Variants in CNTN5 observed in about 807,000 individuals in gnomAD.
CNTN5 encodes contactin-5.
In CNTN5, 77 loss-of-function variants were observed where a neutral mutation model predicts 129.1. The observed-to-expected ratio is 0.60, with a 90% CI of 0.50 to 0.72. The LOEUF is 0.72. CNTN5 is among the 30% of genes least tolerant of loss of function. The pLI is 0.00. For missense variants in CNTN5, 1,478 were observed against 1,328.8 expected, an observed-to-expected ratio of 1.11 and a Z score of -1.75; for synonymous variants, 509 against 465.6, an observed-to-expected ratio of 1.09 and a Z score of -1.20.
In CNTN5 at chr11:99,846,975, T is replaced by C. The variant is rs193153346; in HGVS notation, c.577+1713T>C. 2.3e-3 allele frequency among the ~76,000 whole-genome samples: 345 copies of C among 152,344 alleles called. 1 individual carries two copies. Among genetic ancestry groups the C allele is most frequent in the Middle Eastern group, 0.014 (4 of 294 alleles). On this transcript the variant is annotated intron_variant, in intron 6 of 24. Transcript: ENST00000524871. ...TCACAGAACCTAATACTTTACATTA[T>C]GCACAATTAATCAAGTAGCCTAATA...
chr11:100,140,964 C>T (rs542162938), intron 13 of CNTN5, among the ~76,000 whole-genome samples: 1 of 152,206 alleles, frequency 6.6e-6, no homozygotes, highest in Non-Finnish European at 1.5e-5. Flanking sequence ...TCCTTATGGG[C>T]ATGAGCGTTG....
At chr11:99,116,915 A>G (rs1210940310) in intron 1 of CNTN5, among the ~76,000 whole-genome samples, 1 of 152,192 alleles carries the variant, frequency 6.6e-6, no homozygotes, top group Non-Finnish European at 1.5e-5. Flanking sequence ...CAGTACTGGT[A>G]TTTGTTCTGG....
At chr11:99,405,395 G>T (rs1485236529) in intron 2 of CNTN5, among the ~76,000 whole-genome samples, 1 of 151,860 alleles carries the variant, frequency 6.6e-6, no homozygotes, top group African/African-American at 2.4e-5. Context: ...CATTGTTTTA[G>T]TTATTTATTC....
intron 3 of CNTN5, among the ~76,000 whole-genome samples, chr11:99,804,304 G>A (rs1356838509): frequency 2.6e-5 from 4 of 151,992 alleles, no homozygotes; most frequent in African/African-American, 9.7e-5. Flanking sequence ...GTGTTTCCTA[G>A]ATTACTACTT....
At chr11:99,968,943 A>C (rs550031178) in intron 8 of CNTN5, among the ~76,000 whole-genome samples, 1 of 151,950 alleles carries the variant, frequency 6.6e-6, no homozygotes, top group African/African-American at 2.4e-5. Flanking sequence ...TTATTTTTCT[A>C]TGTGTCTCTC....
intron 3 of CNTN5, among the ~76,000 whole-genome samples, chr11:99,655,994 G>A (rs1419624646): frequency 1.3e-5 from 2 of 151,888 alleles, no homozygotes; most frequent in East Asian, 1.9e-4. Flanking sequence ...GTATATATAT[G>A]TGTTTCTGTA....
chr11:99,988,851 T>TTGTG (rs59171240), intron 8 of CNTN5, among the ~76,000 whole-genome samples: 2,527 of 150,126 alleles, frequency 0.017, 74 homozygotes, highest in African/African-American at 0.057. Flanking sequence ...GTGTGTGTGT[T>TTGTG]TGTGTGTGTG....
At chr11:100,038,824 C>T (rs747579463) in intron 9 of CNTN5, among the ~76,000 whole-genome samples, 1 of 152,080 alleles carries the variant, frequency 6.6e-6, no homozygotes, top group African/African-American at 2.4e-5. Flanking sequence ...TTGCTTGATA[C>T]ATCTTCCTCT....
intron 2 of CNTN5, among the ~76,000 whole-genome samples, chr11:99,512,614 TTG>T (rs991075439): frequency 2.0e-5 from 3 of 152,162 alleles, no homozygotes; most frequent in Admixed American, 6.6e-5. Flanking sequence ...CTTCCTGTCT[TTG>T]TGTCATGTCA....
intron 1 of CNTN5, among the ~76,000 whole-genome samples, chr11:99,122,943 C>T (rs1055815870): frequency 1.3e-4 from 20 of 152,136 alleles, no homozygotes; most frequent in Middle Eastern, 3.4e-3. Flanking sequence ...TGCAGTCTAC[C>T]GTTCATGGGC....
intron 1 of CNTN5, among the ~76,000 whole-genome samples, chr11:99,237,571 C>T (rs1861341945): frequency 6.6e-6 from 1 of 152,068 alleles, no homozygotes. Flanking sequence ...GTCCCAGGTA[C>T]TCAGGAGGCT....
intron 15 of CNTN5, among the ~76,000 whole-genome samples, chr11:100,200,794 G>A (rs1056549854): frequency 6.6e-6 from 1 of 151,920 alleles, no homozygotes; most frequent in African/African-American, 2.4e-5. Context: ...CTTAGAATTT[G>A]CTCTCCTAGG....
At chr11:100,294,716 G>C (rs1050241516) in intron 18 of CNTN5, among the ~76,000 whole-genome samples, 1 of 151,504 alleles carries the variant, frequency 6.6e-6, no homozygotes, top group Non-Finnish European at 1.5e-5. Flanking sequence ...TTAGATATTT[G>C]ATTATATTAA....
chr11:99,026,402 T>G (rs993941754), intron 1 of CNTN5, among the ~76,000 whole-genome samples: 1 of 151,624 alleles, frequency 6.6e-6, no homozygotes, highest in Non-Finnish European at 1.5e-5. Flanking sequence ...TAATTTTGTA[T>G]TTTCAATGAT....
intron 1 of CNTN5, among the ~76,000 whole-genome samples, chr11:99,147,071 A>T (rs530931108): frequency 1.3e-3 from 199 of 152,260 alleles, no homozygotes; most frequent in Non-Finnish European, 2.5e-3. Context: ...CATATGTGAG[A>T]TACTATGTAA....
At chr11:99,735,038 C>A (rs916345961) in intron 3 of CNTN5, among the ~76,000 whole-genome samples, 2 of 152,134 alleles carry the variant, frequency 1.3e-5, no homozygotes, top group African/African-American at 4.8e-5. Flanking sequence ...AGTTCTGTAA[C>A]CCACTGTGTT....
intron 9 of CNTN5, among the ~76,000 whole-genome samples, chr11:100,014,222 A>G (rs558798093): frequency 5.9e-5 from 9 of 152,250 alleles, no homozygotes; most frequent in African/African-American, 2.2e-4. Context: ...TACTAATGTT[A>G]TATATACCAC....
At chr11:100,053,906 C>T (rs1943088051) in intron 9 of CNTN5, among the ~76,000 whole-genome samples, 1 of 151,662 alleles carries the variant, frequency 6.6e-6, no homozygotes, top group Admixed American at 6.6e-5. Context: ...ATGTGCACAA[C>T]AACTTAAATG....
intron 3 of CNTN5, among the ~76,000 whole-genome samples, chr11:99,781,696 T>C (rs1277671830): frequency 6.6e-6 from 1 of 152,116 alleles, no homozygotes; most frequent in Non-Finnish European, 1.5e-5. Flanking sequence ...ACTTTAAGCA[T>C]TCAAGAACGT....
Sources: gnomAD v4.1 joint callset for allele counts (sites outside exome capture counted in the v4.1 genomes callset) on GRCh38, gnomAD v4.1.1 for gene constraint, MANE v1.5 for transcripts, NCBI Gene and HGNC (gene_info 2026-07-23, HGNC 2026-07-21) for gene names.